RIPK3: variants seen among roughly 807,000 people sequenced by gnomAD.
RIPK3 encodes receptor-interacting serine/threonine-protein kinase 3.
RIPK3 carries 51 observed loss-of-function variants against 51.6 expected under a neutral mutation model. That is an observed-to-expected ratio of 0.99 (90% CI 0.79 to 1.25). The LOEUF (loss-of-function observed/expected upper bound fraction) is 1.25. Ranked by LOEUF, RIPK3 falls within the 50% of genes most tolerant of loss-of-function variation. The pLI is 0.00. For synonymous variants in RIPK3, 246 were observed against 257.7 expected (o/e 0.95, Z 0.44); for missense variants, 654 against 650.4 (o/e 1.01, Z -0.06).
In RIPK3 at chr14:24,336,495, T is replaced by C; in HGVS notation, c.1337-100A>G. ...TGAAGTCTCTACTTGTCAGTGGCTG[T>C]GTCAAGGTGTGCCCTGTGCTCCTCC... On this transcript the variant is annotated intron_variant, in intron 9 of 9. Transcript: ENST00000216274. 6 of 1,499,468 alleles carry C rather than the reference T, an allele frequency of 4.0e-6. No homozygotes were observed. In the South Asian group the frequency reaches 7.6e-5, roughly 19 times the overall value. 92.9% of individuals were successfully genotyped at this position (1,499,468 alleles called of 1,614,324 possible).
chr14:24,338,949 G>C (rs552705604), intron 3 of RIPK3, 66 bp downstream of exon 3: 12 of 1,298,522 alleles, frequency 9.2e-6, no homozygotes, highest in African/African-American at 2.9e-5. Flanking sequence ...TCTAGTGTCC[G>C]GCGGGCCTGG....
chr14:24,338,951 C>CG, intron 3 of RIPK3, 64 bp downstream of exon 3: 1 of 1,320,752 alleles, frequency 7.6e-7, no homozygotes, highest in Non-Finnish European at 1.1e-6. Flanking sequence ...TAGTGTCCGG[C>CG]GGGCCTGGCT....
chr14:24,339,431 G>T lies in RIPK3; in HGVS notation c.161+26C>A. 1 of 1,614,074 alleles carries T rather than the reference G, an allele frequency of 6.2e-7. No homozygotes were observed. The highest frequency in any genetic ancestry group is 8.5e-7 in the Non-Finnish European group (1 of 1,179,984). On this transcript the variant is annotated intron_variant, in intron 2 of 9. Transcript: ENST00000216274. The surrounding 1 kb of genome is among the most constrained non-coding windows in gnomAD (Gnocchi z 4.0). ...GGCTCCACCTTTTTGGCCAGATTGC[G>T]GCTGGGGTCAACCGGGGTCACTCAC... is the stretch of plus-strand genomic sequence containing the variant.
At position 24,336,066 on chromosome 14, in the gene RIPK3, C is replaced by A. The variant is rs2042130290; in HGVS notation, c.*109G>T. ...TTATTGACTCCTGGGGGACAGGTCA[C>A]AAAGTCAGTTTGTGGGCAGGCCAGA... On this transcript the variant is annotated 3_prime_UTR_variant, in exon 10 of 10. Transcript: ENST00000216274. 8.8e-7 allele frequency: 1 copy of A among 1,135,916 alleles called. No individual in the cohort carries two copies. Among genetic ancestry groups the A allele is most frequent in the Middle Eastern group, 3.0e-4 (1 of 3,282 alleles). 70.4% of individuals were successfully genotyped at this position (1,135,916 alleles called of 1,614,324 possible).
In RIPK3 at chr14:24,339,448, G is replaced by A. The variant is rs771548227; in HGVS notation, c.161+9C>T. The A allele has an allele frequency of 5.9e-5, 95 of 1,614,178 alleles. No individual in the cohort carries two copies. Among genetic ancestry groups the A allele is most frequent in the Non-Finnish European group, 7.8e-5 (92 of 1,180,026 alleles). The stretch of plus-strand genomic sequence containing the variant: ...CAGATTGCGGCTGGGGTCAACCGGG[G>A]TCACTCACGAGTTTACGATCTTGAC... On this transcript the variant is annotated intron_variant, in intron 2 of 9. Coordinates refer to ENST00000216274, the MANE Select transcript of RIPK3 (RefSeq NM_006871.4). The surrounding 1 kb of genome is among the most constrained non-coding windows in gnomAD (Gnocchi z 4.0).
intron 5 of RIPK3, 38 bp from the exon 6 acceptor site, chr14:24,338,078 A>G (rs1275958959): frequency 6.2e-7 from 1 of 1,613,930 alleles, no homozygotes. Flanking sequence ...GAAGGCATTC[A>G]GGGTAAAAGG....
chr14:24,339,427 T>A lies in RIPK3; in HGVS notation c.161+30A>T. The A allele has an allele frequency of 6.2e-7, 1 of 1,614,104 alleles. No homozygotes were observed. The highest frequency in any genetic ancestry group is 8.5e-7 in the Non-Finnish European group (1 of 1,179,974). On this transcript the variant is annotated intron_variant, in intron 2 of 9. Transcript: ENST00000216274. This position sits in a 1 kb window ranked among gnomAD's most constrained non-coding sequence, Gnocchi z 4.0. ...CAGTGGCTCCACCTTTTTGGCCAGA[T>A]TGCGGCTGGGGTCAACCGGGGTCAC...
chr14:24,338,113 G>T (rs1193604183), intron 5 of RIPK3, 73 bp from the exon 6 acceptor site: 1 of 1,608,938 alleles, frequency 6.2e-7, no homozygotes, highest in Non-Finnish European at 8.5e-7. Flanking sequence ...ATCATGGAAA[G>T]AGGCAGGGAG....
rs199559453 is a variant in RIPK3, at chr14:24,339,407, G to A, written c.161+50C>T. On this transcript the variant is annotated intron_variant, in intron 2 of 9. Coordinates refer to ENST00000216274, the MANE Select transcript of RIPK3 (RefSeq NM_006871.4). This position sits in a 1 kb window ranked among gnomAD's most constrained non-coding sequence, Gnocchi z 4.0. ...GCCATTCAGGCCCCAGAGCACAGTG[G>A]CTCCACCTTTTTGGCCAGATTGCGG... 2,368 of 1,613,686 alleles carry A rather than the reference G, an allele frequency of 1.5e-3. 5 individuals are homozygous for A. Among genetic ancestry groups the A allele is most frequent in the Non-Finnish European group, 1.8e-3 (2,161 of 1,179,664 alleles).
chr14:24,336,148 C>T lies in RIPK3; in HGVS notation c.*27G>A. 1 of 1,603,302 alleles carries T rather than the reference C, an allele frequency of 6.2e-7. No individual in the cohort carries two copies. Among genetic ancestry groups the T allele is most frequent in the Non-Finnish European group, 8.5e-7 (1 of 1,173,736 alleles). ...GGTGGCACTCTTCCTTAACTCGTAA[C>T]TCTTGGAGGCAAGCTTGGAAGGTGC... On this transcript the variant is annotated 3_prime_UTR_variant, in exon 10 of 10. Coordinates refer to ENST00000216274, the MANE Select transcript of RIPK3 (RefSeq NM_006871.4).
rs907992600 is a variant in RIPK3 at position 24,339,923 on chromosome 14, C to A, written c.-97G>T. 4.5e-6 allele frequency: 6 copies of A among 1,348,260 alleles called. No homozygotes were observed. In the African/African-American group the frequency reaches 7.3e-5, roughly 16 times the overall value. 83.5% of individuals were successfully genotyped at this position (1,348,260 alleles called of 1,614,324 possible). Reference sequence around the variant, plus strand: ...TCCTTTCGCAGAGAGGGGAAGGGGTCTGTCTGTGCAGGGGTCAGTCTCTAG... The same window carrying A: ...TCCTTTCGCAGAGAGGGGAAGGGGTATGTCTGTGCAGGGGTCAGTCTCTAG... On this transcript the variant is annotated 5_prime_UTR_variant, in exon 1 of 10. Coordinates refer to ENST00000216274, the MANE Select transcript of RIPK3 (RefSeq NM_006871.4). The surrounding 1 kb of genome is among the most constrained non-coding windows in gnomAD (Gnocchi z 4.0).
chr14:24,339,355 C>T lies in RIPK3; in HGVS notation c.162-31G>A, dbSNP rs200284903. On this transcript the variant is annotated intron_variant, in intron 2 of 9. Transcript: ENST00000216274. This position sits in a 1 kb window ranked among gnomAD's most constrained non-coding sequence, Gnocchi z 4.0. ...CTCCAGGAGAGAGCTGGAGTCGCACCGGGGTCGTGGGAAAATCCCTCCCTT... is the reference window on the plus strand; with the variant it reads ...CTCCAGGAGAGAGCTGGAGTCGCACTGGGGTCGTGGGAAAATCCCTCCCTT... 4 of 1,607,474 alleles carry T rather than the reference C, an allele frequency of 2.5e-6. No homozygotes were observed. In the Admixed American group the frequency reaches 5.0e-5, roughly 20 times the overall value.
chr14:24,336,425 G>A (rs768545967), intron 9 of RIPK3, 30 bp from the exon 10 acceptor site: 3 of 1,600,640 alleles, frequency 1.9e-6, no homozygotes, highest in Non-Finnish European at 2.6e-6. Flanking sequence ...GGTGGCAGGA[G>A]GGTTTAGCTG....
At chr14:24,338,393 T>C (rs376618350) in intron 4 of RIPK3, 29 bp downstream of exon 4, 1 of 1,596,230 alleles carries the variant, frequency 6.3e-7, no homozygotes. Flanking sequence ...GTAGGAATCC[T>C]GGCTGTGTGT....
rs923317227 is a variant in RIPK3 at position 24,339,751 on chromosome 14, G to T, written c.20+56C>A. 1.9e-6 allele frequency: 3 copies of T among 1,565,752 alleles called. No individual in the cohort carries two copies. Among genetic ancestry groups the T allele is most frequent in the Admixed American group, 3.8e-5 (2 of 53,032 alleles). On this transcript the variant is annotated intron_variant, in intron 1 of 9. Coordinates refer to ENST00000216274, the MANE Select transcript of RIPK3 (RefSeq NM_006871.4). The surrounding 1 kb of genome is among the most constrained non-coding windows in gnomAD (Gnocchi z 4.0). ...AAGACGTTCTCTGAGCGAGTCTGTGGGGCTCTCTGGGTGTGAATGTCGGAG... is the reference window on the plus strand; with the variant it reads ...AAGACGTTCTCTGAGCGAGTCTGTGTGGCTCTCTGGGTGTGAATGTCGGAG...
chr14:24,336,623 G>A, intron 9 of RIPK3: 2 of 680,624 alleles, frequency 2.9e-6, no homozygotes, highest in Non-Finnish European at 4.9e-6. Flanking sequence ...CTGGACTGCT[G>A]AAACAATGGA....
rs774773747 is a variant in RIPK3 at position 24,339,424 on chromosome 14, A to G, written c.161+33T>C. ...GCACAGTGGCTCCACCTTTTTGGCCAGATTGCGGCTGGGGTCAACCGGGGT... is the reference window on the plus strand; with the variant it reads ...GCACAGTGGCTCCACCTTTTTGGCCGGATTGCGGCTGGGGTCAACCGGGGT... On this transcript the variant is annotated intron_variant, in intron 2 of 9. Transcript: ENST00000216274. The surrounding 1 kb of genome is among the most constrained non-coding windows in gnomAD (Gnocchi z 4.0). 8 of 1,613,992 alleles carry G rather than the reference A, an allele frequency of 5.0e-6. No homozygotes were observed. Among genetic ancestry groups the G allele is most frequent in the Non-Finnish European group, 6.8e-6 (8 of 1,179,904 alleles).
chr14:24,336,124 G>T lies in RIPK3; in HGVS notation c.*51C>A, dbSNP rs368654213. On this transcript the variant is annotated 3_prime_UTR_variant, in exon 10 of 10. Coordinates refer to ENST00000216274, the MANE Select transcript of RIPK3 (RefSeq NM_006871.4). ...AGAAGGAAGTCAGGGGCCTCAAGGG[G>T]TGGCACTCTTCCTTAACTCGTAACT... 5.7e-6 allele frequency: 9 copies of T among 1,575,796 alleles called. No individual in the cohort carries two copies. The highest frequency in any genetic ancestry group is 7.8e-6 in the Non-Finnish European group (9 of 1,157,782).
Position 24,338,263 on chromosome 14 carries a change from C to T in RIPK3, c.650G>A (p.Gly217Glu). ...FGILMWAVLA[G>E]REVELPTEPS... ...TAGAGTCTTACACTCAACTTCTCTT[C>T]CAGCAAGCACTGCCCACATTAGGAT... Residue 217 changes from glycine to glutamate, a missense_variant, in exon 5 of 10, where the codon GGA becomes GAA. Gly to Glu is a moderately conservative substitution (Grantham distance 98, BLOSUM62 -2). Transcript: ENST00000216274. 2 of 1,523,114 alleles carry T rather than the reference C, an allele frequency of 1.3e-6. No individual in the cohort carries two copies. Among genetic ancestry groups the T allele is most frequent in the Non-Finnish European group, 1.8e-6 (2 of 1,135,856 alleles). 94.3% of individuals were successfully genotyped at this position (1,523,114 alleles called of 1,614,324 possible).
Sources: gnomAD v4.1 joint callset for allele counts on GRCh38, gnomAD v4.1.1 for gene constraint, Gnocchi (gnomAD v3.1) non-coding constraint, MANE v1.5 for transcripts, NCBI Gene and HGNC (gene_info 2026-07-23, HGNC 2026-07-21) for gene names.